PDE4C: variants seen among roughly 807,000 people sequenced by gnomAD.
The protein encoded by PDE4C is 3',5'-cyclic-AMP phosphodiesterase 4C.
PDE4C carries 50 observed loss-of-function variants against 63.9 expected under a neutral mutation model. The observed-to-expected ratio is 0.78, with a 90% confidence interval of 0.62 to 0.99. PDE4C has a LOEUF of 0.99. PDE4C is among the 50% of genes least tolerant of loss of function. The probability of loss-of-function intolerance (pLI) is 0.00; values close to 1 mark genes in which losing one functional copy is unlikely to be tolerated. For synonymous variants in PDE4C, 377 were observed against 385.1 expected (o/e 0.98, Z 0.25); for missense variants, 777 against 899.1 (o/e 0.86, Z 1.74).
At chr19:18,226,296 C>T (rs1351015769) in exon 1 of PDE4C, 1 of 1,570,010 alleles carries the variant, frequency 6.4e-7, no homozygotes, top group South Asian at 1.2e-5. Context: ...CCGTGAAGCG[C>T]CGCTGCAGGC....
chr19:18,217,153 G>T, intron 11 of PDE4C: 1 of 352,156 alleles, frequency 2.8e-6, no homozygotes, highest in Admixed American at 4.5e-5. Context: ...TGAGTACTCA[G>T]TAATGTTTTT....
chr19:18,252,618 T>TC (rs67706081), upstream of PDE4C: 31 of 239,916 alleles, frequency 1.3e-4, no homozygotes, highest in Non-Finnish European at 2.0e-4. Flanking sequence ...CTCTCTCTCT[T>TC]TTTTTTTTTC....
chr19:18,231,612 T>C (rs1968849810), intron 1 of PDE4C, among the ~76,000 whole-genome samples: 2 of 152,154 alleles, frequency 1.3e-5, no homozygotes, highest in Middle Eastern at 3.4e-3. Context: ...AGGGGGTCCA[T>C]GCACCAGGAC....
intron 1 of PDE4C, among the ~76,000 whole-genome samples, chr19:18,222,697 T>TTTA: frequency 1.0e-5 from 1 of 96,900 alleles, no homozygotes. Flanking sequence ...CGCCCTTTCT[T>TTTA]TTCTTTTTTT....
intron 12 of PDE4C, among the ~76,000 whole-genome samples, chr19:18,216,050 C>T (rs1186270404): frequency 1.3e-5 from 2 of 151,688 alleles, no homozygotes; most frequent in African/African-American, 4.8e-5. Context: ...AAGCTGGTCT[C>T]GAACTCTTGA....
intron 1 of PDE4C, among the ~76,000 whole-genome samples, chr19:18,245,890 C>T (rs1037351976): frequency 6.6e-6 from 1 of 152,290 alleles, no homozygotes; most frequent in Admixed American, 6.5e-5. Flanking sequence ...GTTGTCCAGG[C>T]TGGAGTGCAG....
intron 11 of PDE4C, among the ~76,000 whole-genome samples, chr19:18,217,607 G>T (rs540964224): frequency 6.6e-6 from 1 of 152,236 alleles, no homozygotes; most frequent in Non-Finnish European, 1.5e-5. Context: ...TAAGATCTTG[G>T]TGGAACTGTC....
chr19:18,244,443 C>T (rs1026567545), intron 1 of PDE4C, among the ~76,000 whole-genome samples: 4 of 151,746 alleles, frequency 2.6e-5, no homozygotes, highest in Non-Finnish European at 4.4e-5. Flanking sequence ...TACAGGCGAC[C>T]GCGACCACAC....
At chr19:18,243,009 A>G (rs1284029029) in intron 1 of PDE4C, among the ~76,000 whole-genome samples, 1 of 152,136 alleles carries the variant, frequency 6.6e-6, no homozygotes, top group Non-Finnish European at 1.5e-5. Context: ...GATATGGACC[A>G]GAGCGGGGCC....
In PDE4C at chr19:18,217,239, C is replaced by G. The variant is rs566898567; in HGVS notation, c.1235-344G>C. ...GAGTGCAGTGGTGCAATCACGGTTC[C>G]CTGCAGCCTCAACCTCCTGGCCTCA... On this transcript the variant is annotated intron_variant, in intron 11 of 14. Coordinates refer to ENST00000262805, the Ensembl canonical transcript of PDE4C. 1.1e-4 allele frequency: 20 copies of G among 174,268 alleles called. No individual in the cohort carries two copies. In the South Asian group the frequency reaches 3.1e-3, roughly 27 times the overall value. The allele number at this position is 174,268 out of a possible 1,614,324, so 10.8% of individuals were successfully genotyped here.
At chr19:18,226,582 GAGTC>G (rs570028373), upstream of PDE4C, 322 of 401,766 alleles carry the variant, frequency 8.0e-4, 1 homozygote, top group Middle Eastern at 1.3e-3. Context: ...CTGAGGCACA[GAGTC>G]AGACGCAACT....
exon 14 of PDE4C, chr19:18,211,863 G>C: frequency 1.2e-6 from 2 of 1,614,218 alleles, no homozygotes; most frequent in South Asian, 2.2e-5. Context: ...GCCATGATGC[G>C]GTCCGTCCAC....
chr19:18,220,384 G>A lies in PDE4C; in HGVS notation c.612+19C>T, dbSNP rs777604007. On this transcript the variant is annotated intron_variant, in intron 6 of 14. Coordinates refer to ENST00000262805, the Ensembl canonical transcript of PDE4C. The surrounding 1 kb of genome is among the most constrained non-coding windows in gnomAD (Gnocchi z 5.1). ...CCGTGGGCCGAGGCAGGTGAGCTCA[G>A]CGATCTGCCCCACCTCACCTTGTTG... The A allele has an allele frequency of 4.3e-6, 7 of 1,612,112 alleles. No individual in the cohort carries two copies. The highest frequency in any genetic ancestry group is 5.9e-6 in the Non-Finnish European group (7 of 1,178,190).
chr19:18,246,115 A>G (rs550991963), intron 1 of PDE4C, among the ~76,000 whole-genome samples: 2 of 150,222 alleles, frequency 1.3e-5, no homozygotes, highest in East Asian at 4.0e-4. Context: ...TTCCGGGTTC[A>G]AGCGATCCTC....
chr19:18,208,852 A>AG (rs1283400858), downstream of PDE4C: 6 of 152,058 alleles, frequency 3.9e-5, no homozygotes, highest in African/African-American at 1.4e-4. Flanking sequence ...CCCTCCCTCT[A>AG]GGGGGAGTCT....
At chr19:18,221,272 G>C in exon 3 of PDE4C, 1 of 1,545,010 alleles carries the variant, frequency 6.5e-7, no homozygotes. Flanking sequence ...TGGGCAAAGG[G>C]CGTCACAATC....
downstream of PDE4C, chr19:18,209,501 G>C (rs559678839): frequency 6.6e-6 from 1 of 150,696 alleles, no homozygotes; most frequent in Non-Finnish European, 1.5e-5. Flanking sequence ...CACCCGCCTC[G>C]GCCTCCCAAA....
At chr19:18,251,271 G>A (rs374257738), upstream of PDE4C, among the ~76,000 whole-genome samples, 4 of 150,636 alleles carry the variant, frequency 2.7e-5, no homozygotes, top group East Asian at 3.9e-4. Flanking sequence ...GATTACAGGC[G>A]CCCGCCACCA....
At chr19:18,226,401 G>T (rs1256733698) in exon 1 of PDE4C, 2 of 1,441,506 alleles carry the variant, frequency 1.4e-6, no homozygotes, top group African/African-American at 3.0e-5. Flanking sequence ...GGGCGGGCGC[G>T]GGGGGGCCCT....
Sources: gnomAD v4.1 joint callset for allele counts (sites outside exome capture counted in the v4.1 genomes callset) on GRCh38, gnomAD v4.1.1 for gene constraint, Gnocchi (gnomAD v3.1) non-coding constraint, MANE v1.5 for transcripts, NCBI Gene and HGNC (gene_info 2026-07-23, HGNC 2026-07-21) for gene names.